The following PRIM2 variants were observed in gnomAD, a reference collection of about 807,000 sequenced individuals.
PRIM2 encodes DNA primase subunit 2.
In PRIM2, 39 loss-of-function variants were observed where a neutral mutation model predicts 67.3. That is an observed-to-expected ratio of 0.58 (90% confidence interval 0.45 to 0.76). The LOEUF is 0.76. Among genes scored for constraint, PRIM2 ranks in the 30% least tolerant of loss-of-function variants. The pLI, the probability that PRIM2 is intolerant of heterozygous loss-of-function variation, is 0.00. For synonymous variants in PRIM2, 143 were observed against 198.7 expected (o/e 0.72, Z 2.36); for missense variants, 398 against 598.7 (o/e 0.66, Z 3.50).
At chr6:57,436,092 G>C (rs1334970530) in intron 7 of PRIM2, among the ~76,000 whole-genome samples, 1 of 151,944 alleles carries the variant, frequency 6.6e-6, no homozygotes, top group Admixed American at 6.6e-5. Context: ...TTTTTGTTCT[G>C]TTACCGTCTT....
At chr6:57,619,798 G>A (rs1776819853) in intron 12 of PRIM2, among the ~76,000 whole-genome samples, 1 of 152,168 alleles carries the variant, frequency 6.6e-6, no homozygotes, top group African/African-American at 2.4e-5. Context: ...AAGAGTAATC[G>A]GTATTCCTGA....
chr6:57,543,961 T>A (rs1459292874), intron 10 of PRIM2, among the ~76,000 whole-genome samples: 2 of 152,170 alleles, frequency 1.3e-5, no homozygotes, highest in Non-Finnish European at 2.9e-5. Context: ...TTATAAACAT[T>A]TTTGAGTAGT....
intron 5 of PRIM2, among the ~76,000 whole-genome samples, chr6:57,346,570 G>C (rs1249331463): frequency 6.6e-6 from 1 of 152,140 alleles, no homozygotes; most frequent in African/African-American, 2.4e-5. Context: ...CGCCTACCTC[G>C]GCCTCCCAAA....
At chr6:57,641,370 A>G (rs1777230317) in intron 13 of PRIM2, among the ~76,000 whole-genome samples, 1 of 152,218 alleles carries the variant, frequency 6.6e-6, no homozygotes, top group Admixed American at 6.5e-5. Flanking sequence ...AACGGCAACA[A>G]AAGCCAAAAT....
chr6:57,369,000 T>C (rs1216951263), intron 5 of PRIM2, among the ~76,000 whole-genome samples: 2 of 152,204 alleles, frequency 1.3e-5, no homozygotes, highest in East Asian at 1.9e-4. Flanking sequence ...GTAAAATACA[T>C]GCTCAGAAAG....
At chr6:57,549,124 C>G (rs1775350299) in intron 10 of PRIM2, among the ~76,000 whole-genome samples, 1 of 152,170 alleles carries the variant, frequency 6.6e-6, no homozygotes, top group African/African-American at 2.4e-5. Flanking sequence ...TAAGCCAGCA[C>G]TATTATGTTG....
intron 7 of PRIM2, among the ~76,000 whole-genome samples, chr6:57,437,545 T>G (rs1045661254): frequency 2.6e-4 from 39 of 152,194 alleles, no homozygotes; most frequent in Non-Finnish European, 4.7e-4. Flanking sequence ...GAACAAAAAG[T>G]TTTTTTGAGG....
At chr6:57,243,987 A>G in the PRIM2 span, among the ~76,000 whole-genome samples, 2 of 152,200 alleles carry the variant, frequency 1.3e-5, no homozygotes, top group African/African-American at 4.8e-5. Flanking sequence ...AGGTGCTCAA[A>G]AACAGAACTA....
chr6:57,499,890 C>T (rs1240158054), intron 7 of PRIM2, among the ~76,000 whole-genome samples: 1 of 152,216 alleles, frequency 6.6e-6, no homozygotes, highest in African/African-American at 2.4e-5. Context: ...ATGGCTTTAT[C>T]TGCTACTTAT....
At chr6:57,239,018 T>C in the PRIM2 span, among the ~76,000 whole-genome samples, 1 of 152,168 alleles carries the variant, frequency 6.6e-6, no homozygotes, top group South Asian at 2.1e-4. Flanking sequence ...TGAGACAAGG[T>C]CTCACTCTGT....
chr6:57,448,228 G>A (rs1211129849), intron 7 of PRIM2, among the ~76,000 whole-genome samples: 1 of 152,096 alleles, frequency 6.6e-6, no homozygotes, highest in South Asian at 2.1e-4. Context: ...AATTTAAAAT[G>A]CAACCATTTT....
At chr6:57,428,188 A>C (rs1281772052) in intron 7 of PRIM2, among the ~76,000 whole-genome samples, 1 of 152,200 alleles carries the variant, frequency 6.6e-6, no homozygotes, top group Non-Finnish European at 1.5e-5. Flanking sequence ...AAATTTATAC[A>C]TACAAGAAAT....
chr6:57,274,505 G>A, the PRIM2 span, among the ~76,000 whole-genome samples: 25 of 152,330 alleles, frequency 1.6e-4, no homozygotes, highest in East Asian at 7.7e-4. Context: ...GGAGTGACCC[G>A]ATTTTCCAGG....
intron 10 of PRIM2, among the ~76,000 whole-genome samples, chr6:57,546,445 G>A (rs1372423135): frequency 2.0e-5 from 3 of 152,092 alleles, no homozygotes; most frequent in East Asian, 1.9e-4. Flanking sequence ...TGAATGACAT[G>A]GGTTAGTCGA....
intron 10 of PRIM2, among the ~76,000 whole-genome samples, chr6:57,579,635 C>A (rs1247492205): frequency 1.3e-5 from 2 of 152,072 alleles, no homozygotes; most frequent in African/African-American, 4.8e-5. Flanking sequence ...TGCTAAAGAT[C>A]TTGTTTTTTT....
the PRIM2 span, chr6:57,222,403 G>C: frequency 2.0e-5 from 3 of 152,436 alleles, no homozygotes; most frequent in African/African-American, 4.8e-5. Flanking sequence ...CTTTCCAGGC[G>C]CCTCCAAGGG....
At chr6:57,640,951 A>AC (rs1554359443) in intron 13 of PRIM2, among the ~76,000 whole-genome samples, 224 of 151,766 alleles carry the variant, frequency 1.5e-3, no homozygotes, top group Admixed American at 2.6e-3. Flanking sequence ...CAAAAAAAAA[A>AC]CAACGCTAGA....
At chr6:57,553,300 G>T (rs1427308473) in intron 10 of PRIM2, among the ~76,000 whole-genome samples, 1 of 152,070 alleles carries the variant, frequency 6.6e-6, no homozygotes, top group East Asian at 1.9e-4. Context: ...ACAAAGGAAA[G>T]ATATACATAT....
At chr6:57,532,858 T>C (rs1420634535) in intron 9 of PRIM2, among the ~76,000 whole-genome samples, 2 of 152,144 alleles carry the variant, frequency 1.3e-5, no homozygotes, top group South Asian at 2.1e-4. Context: ...TCTCACAGTC[T>C]AGAGGCTCGA....
Sources: gnomAD v4.1 joint callset for allele counts (sites outside exome capture counted in the v4.1 genomes callset) on GRCh38, gnomAD v4.1.1 for gene constraint, MANE v1.5 for transcripts, NCBI Gene and HGNC (gene_info 2026-07-23, HGNC 2026-07-21) for gene names.